Variants in NCAM2 observed in about 807,000 individuals in gnomAD.
NCAM2 encodes the protein N-CAM-2.
A neutral mutation model predicts 98.1 loss-of-function variants in NCAM2; 30 were observed. The ratio of observed to expected loss-of-function variants is 0.31; its 90% CI spans 0.23 to 0.41. The LOEUF is 0.41. Ranked by LOEUF, NCAM2 falls within the 10% of genes least tolerant of loss-of-function variation. The probability of loss-of-function intolerance (pLI) is 1.00; values close to 1 mark genes in which losing one functional copy is unlikely to be tolerated. For synonymous variants in NCAM2, 368 were observed against 342.4 expected (o/e 1.07, Z -0.83); for missense variants, 867 against 1,005.8 (o/e 0.86, Z 1.87).
At chr21:21,182,786 G>A (rs767823147) in intron 1 of NCAM2, among the ~76,000 whole-genome samples, 2 of 152,102 alleles carry the variant, frequency 1.3e-5, no homozygotes, top group Non-Finnish European at 2.9e-5. Context: ...TTTTAACAGA[G>A]ATCAGCACTT....
chr21:21,243,048 A>C (rs2069348649), intron 1 of NCAM2, among the ~76,000 whole-genome samples: 1 of 152,184 alleles, frequency 6.6e-6, no homozygotes, highest in Non-Finnish European at 1.5e-5. Context: ...AAAATAATTA[A>C]ATTAATAATT....
At chr21:21,449,317 A>T (rs757099454) in intron 12 of NCAM2, among the ~76,000 whole-genome samples, 3 of 151,972 alleles carry the variant, frequency 2.0e-5, no homozygotes, top group Non-Finnish European at 4.4e-5. Flanking sequence ...TGAGTGTTTT[A>T]TAGGAGTTTA....
intron 9 of NCAM2, among the ~76,000 whole-genome samples, chr21:21,388,655 C>T (rs1300843654): frequency 6.6e-6 from 1 of 152,114 alleles, no homozygotes; most frequent in Admixed American, 6.5e-5. Flanking sequence ...TTTCTTTTTA[C>T]TTTAATTAAC....
At chr21:21,192,601 G>A (rs1436587381) in intron 1 of NCAM2, among the ~76,000 whole-genome samples, 1 of 152,164 alleles carries the variant, frequency 6.6e-6, no homozygotes, top group Non-Finnish European at 1.5e-5. Flanking sequence ...CAGAGAATTG[G>A]GATGTTTGTT....
At chr21:21,247,592 G>A (rs2071326194) in intron 1 of NCAM2, among the ~76,000 whole-genome samples, 1 of 152,076 alleles carries the variant, frequency 6.6e-6, no homozygotes, top group Non-Finnish European at 1.5e-5. Context: ...CAGGAATTTT[G>A]TGTTGGATGA....
At chr21:21,042,375 G>C (rs2064923817) in intron 1 of NCAM2, among the ~76,000 whole-genome samples, 1 of 152,048 alleles carries the variant, frequency 6.6e-6, no homozygotes, top group Non-Finnish European at 1.5e-5. Flanking sequence ...GTAGAGATGG[G>C]GTTTCTCTAT....
chr21:21,220,451 A>G (rs117192144), intron 1 of NCAM2, among the ~76,000 whole-genome samples: 1,786 of 152,238 alleles, frequency 0.012, 12 homozygotes, highest in Middle Eastern at 0.051. Context: ...GCTATACCAC[A>G]CAGCCTAGGT....
intron 14 of NCAM2, among the ~76,000 whole-genome samples, chr21:21,476,823 A>G: frequency 6.6e-6 from 1 of 152,180 alleles, no homozygotes; most frequent in East Asian, 1.9e-4. Context: ...TAAATCTATC[A>G]TTCATATCCA....
At chr21:21,092,653 A>G (rs971370731) in intron 1 of NCAM2, among the ~76,000 whole-genome samples, 3 of 102,646 alleles carry the variant, frequency 2.9e-5, no homozygotes, top group African/African-American at 1.1e-4. Flanking sequence ...ACAAAATATG[A>G]AGACAAAGGA....
intron 15 of NCAM2, among the ~76,000 whole-genome samples, chr21:21,503,248 A>T (rs574856172): frequency 3.9e-5 from 6 of 151,990 alleles, no homozygotes; most frequent in Non-Finnish European, 5.9e-5. Flanking sequence ...AGTTAGGCAC[A>T]GTAAGTTAAC....
At chr21:21,264,798 C>CTA (rs1226823296) in intron 1 of NCAM2, among the ~76,000 whole-genome samples, 1 of 125,116 alleles carries the variant, frequency 8.0e-6, no homozygotes, top group East Asian at 2.5e-4. Flanking sequence ...ATATATTCCA[C>CTA]TATATATATA....
intron 1 of NCAM2, among the ~76,000 whole-genome samples, chr21:21,152,143 T>C (rs1374841539): frequency 6.6e-6 from 1 of 152,038 alleles, no homozygotes; most frequent in East Asian, 1.9e-4. Context: ...ATTTATTTTT[T>C]TCTCTCCATG....
At chr21:21,227,912 G>A (rs1224661595) in intron 1 of NCAM2, among the ~76,000 whole-genome samples, 2 of 151,642 alleles carry the variant, frequency 1.3e-5, no homozygotes, top group Non-Finnish European at 3.0e-5. Context: ...TTAAGTAAGG[G>A]AAACAAGATA....
intron 15 of NCAM2, 74 bp downstream of exon 15, chr21:21,477,545 T>A (rs1337312864): frequency 2.6e-6 from 3 of 1,155,358 alleles, no homozygotes; most frequent in Non-Finnish European, 3.5e-6. Flanking sequence ...TTACTGACTT[T>A]TCTTATTAAT....
At chr21:21,190,086 G>T (rs148412389) in intron 1 of NCAM2, among the ~76,000 whole-genome samples, 7 of 152,148 alleles carry the variant, frequency 4.6e-5, no homozygotes, top group African/African-American at 7.2e-5. Flanking sequence ...ACCAAATTTG[G>T]ACTATGCAGA....
intron 11 of NCAM2, among the ~76,000 whole-genome samples, chr21:21,424,034 T>A (rs938790073): frequency 6.6e-6 from 1 of 152,200 alleles, no homozygotes; most frequent in African/African-American, 2.4e-5. Context: ...ATTAGTTCAT[T>A]TGGTATCACA....
intron 16 of NCAM2, among the ~76,000 whole-genome samples, chr21:21,532,234 C>T (rs2146422047): frequency 1.3e-5 from 2 of 151,970 alleles, no homozygotes; most frequent in East Asian, 1.9e-4. Flanking sequence ...AAATAAAAGA[C>T]AACTCTAAAT....
chr21:21,041,454 TAAG>T (rs2064903129), intron 1 of NCAM2, among the ~76,000 whole-genome samples: 1 of 152,168 alleles, frequency 6.6e-6, no homozygotes, highest in African/African-American at 2.4e-5. Context: ...AGAGTGATTT[TAAG>T]AAGAGATGGT....
intron 5 of NCAM2, among the ~76,000 whole-genome samples, chr21:21,313,192 C>G (rs1210336696): frequency 6.6e-6 from 1 of 151,558 alleles, no homozygotes. Flanking sequence ...AAAATTTTCT[C>G]TATTTTGTTC....
Sources: gnomAD v4.1 joint callset for allele counts (sites outside exome capture counted in the v4.1 genomes callset) on GRCh38, gnomAD v4.1.1 for gene constraint, MANE v1.5 for transcripts, NCBI Gene and HGNC (gene_info 2026-07-23, HGNC 2026-07-21) for gene names.